Variants in CLCA4 observed in about 807,000 individuals in gnomAD.
The protein encoded by CLCA4 is calcium-activated chloride channel regulator 4.
Under a neutral mutation model 78.9 loss-of-function variants are expected in CLCA4, and 69 were observed. The observed-to-expected ratio is 0.87, with a 90% CI of 0.72 to 1.07. The LOEUF (loss-of-function observed/expected upper bound fraction) is 1.07. Among genes scored for constraint, CLCA4 ranks in the 50% least tolerant of loss-of-function variants. CLCA4 has a pLI of 0.00. For missense variants in CLCA4, 1,133 were observed against 1,095.8 expected, an observed-to-expected ratio of 1.03 and a Z score of -0.48; for synonymous variants, 362 against 375.8, an observed-to-expected ratio of 0.96 and a Z score of 0.42.
rs1423138203 is a variant in CLCA4, at chr1:86,565,394, TC to T, written c.680del (p.Pro227LeufsTer11). On this transcript the variant is annotated frameshift_variant, in exon 5 of 14. Coordinates refer to ENST00000370563, the MANE Select transcript of CLCA4 (RefSeq NM_012128.4). LOFTEE classifies it high-confidence loss of function. ...TGTATGGAAAAGATTGTCAATTCTT[TC>T]CTGATAAAGTACAAACAGAAAAAGC... ...KLYGKDCQFFPDKVQTEKASI... is the reference protein window; with the variant it reads ...KLYGKDCQFFXDKVQTEKASI... 18 of 1,609,648 alleles carry T rather than the reference TC, an allele frequency of 1.1e-5. No individual in the cohort carries two copies. Among genetic ancestry groups the T allele is most frequent in the Non-Finnish European group, 1.5e-5 (18 of 1,176,868 alleles).
intron 1 of CLCA4, among the ~76,000 whole-genome samples, chr1:86,556,703 A>G (rs573361602): frequency 6.6e-6 from 1 of 152,304 alleles, no homozygotes; most frequent in Admixed American, 6.5e-5. Flanking sequence ...GCCTCATAGA[A>G]TGAGTTGGAG....
chr1:86,553,166 T>C (rs1649716465), intron 1 of CLCA4: 2 of 1,081,146 alleles, frequency 1.8e-6, no homozygotes, highest in East Asian at 2.4e-5. Flanking sequence ...CAATGAGGAT[T>C]GAGCGGCACA....
chr1:86,566,586 T>C (rs1650195487), intron 6 of CLCA4, among the ~76,000 whole-genome samples: 1 of 151,306 alleles, frequency 6.6e-6, no homozygotes, highest in Admixed American at 6.6e-5. Flanking sequence ...ATGAGGGAGG[T>C]ATTAAAAAGG....
chr1:86,577,233 T>C (rs1650547224), intron 11 of CLCA4, among the ~76,000 whole-genome samples: 1 of 152,104 alleles, frequency 6.6e-6, no homozygotes, highest in East Asian at 1.9e-4. Flanking sequence ...TGGGGAAATT[T>C]GCTAATTTGG....
At chr1:86,553,018 G>GC in intron 1 of CLCA4, 1 of 624,196 alleles carries the variant, frequency 1.6e-6, no homozygotes, top group Non-Finnish European at 2.9e-6. Context: ...GGCAGGACGT[G>GC]CCCCCTCCTG....
rs377168071 is a variant in CLCA4 at position 86,560,294 on chromosome 1, C to T, written c.384C>T (p.Gly128=). The T allele has an allele frequency of 5.4e-5, 87 of 1,613,728 alleles. No homozygotes were observed. Among genetic ancestry groups the T allele is most frequent in the African/African-American group, 3.6e-4 (27 of 74,866 alleles). The change falls in exon 3 of 14, where the codon GGC becomes GGT. Residue 128 remains glycine, a synonymous_variant. Coordinates refer to ENST00000370563, the MANE Select transcript of CLCA4 (RefSeq NM_012128.4). The part of the protein sequence containing the change: ...TKQFTECGEK[G]EYIHFTPDLL... The stretch of plus-strand genomic sequence containing the variant: ...AGTTCACAGAATGTGGAGAGAAAGG[C>T]GAATACATTCACTTCACCCCTGACC...
At position 86,562,211 on chromosome 1, in the gene CLCA4, G is replaced by A. The variant is rs111511621; in HGVS notation, c.449-1450G>A. ...CTAAGTCAAAAGGGCTGCTTTTAAG[G>A]TGGGCATGGGAGGCAGGGAAACCTG... On this transcript the variant is annotated intron_variant, in intron 3 of 13. Transcript: ENST00000370563. Among the ~76,000 whole-genome samples the A allele has an allele frequency of 5.9e-3, 894 of 152,328 alleles. 13 individuals are homozygous for A. Among genetic ancestry groups the A allele is most frequent in the African/African-American group, 0.02 (848 of 41,578 alleles).
intron 1 of CLCA4, among the ~76,000 whole-genome samples, chr1:86,550,081 T>C (rs961705746): frequency 6.6e-6 from 1 of 152,238 alleles, no homozygotes; most frequent in African/African-American, 2.4e-5. Context: ...ATTTCTCCAC[T>C]ACTGTGTTCT....
intron 1 of CLCA4, among the ~76,000 whole-genome samples, chr1:86,557,363 T>C (rs1649883662): frequency 6.6e-6 from 1 of 152,226 alleles, no homozygotes; most frequent in Non-Finnish European, 1.5e-5. Context: ...TAAATTTCCC[T>C]CTTAAAACTG....
At chr1:86,558,479 T>C (rs1370810924) in intron 1 of CLCA4, among the ~76,000 whole-genome samples, 1 of 152,178 alleles carries the variant, frequency 6.6e-6, no homozygotes, top group Non-Finnish European at 1.5e-5. Flanking sequence ...TATTTAAGAA[T>C]GCTGAATAAA....
At chr1:86,562,509 G>C (rs1388754523) in intron 3 of CLCA4, among the ~76,000 whole-genome samples, 1 of 152,148 alleles carries the variant, frequency 6.6e-6, no homozygotes, top group Non-Finnish European at 1.5e-5. Flanking sequence ...GCTCCCAGGT[G>C]ATGCTGATGG....
At position 86,563,767 on chromosome 1, in the gene CLCA4, A is replaced by G. The variant is rs1570326760; in HGVS notation, c.555A>G (p.Thr185=). ...YRAKSKKIEA[T]RCSAGISGRN... is the part of the protein sequence containing the mutation. ...CTAAGTCAAAAAAAATCGAAGCAAC[A>G]AGGCATGGCTATTTAAATTTTCTAA... The change falls in exon 4 of 14, where the codon ACA becomes ACG. Residue 185 remains threonine (T), a splice_region_variant and synonymous_variant. Coordinates refer to ENST00000370563, the MANE Select transcript of CLCA4 (RefSeq NM_012128.4). 8 of 1,569,762 alleles carry G rather than the reference A, an allele frequency of 5.1e-6. No individual in the cohort carries two copies. The highest frequency in any genetic ancestry group is 6.1e-6 in the Non-Finnish European group (7 of 1,145,652).
chr1:86,576,206 C>CT (rs528544878), intron 11 of CLCA4, among the ~76,000 whole-genome samples: 105 of 152,120 alleles, frequency 6.9e-4, no homozygotes, highest in South Asian at 1.7e-3. Flanking sequence ...GTCGCACAGG[C>CT]TGGATGGAGT....
intron 1 of CLCA4, among the ~76,000 whole-genome samples, chr1:86,559,046 AAAGTC>A (rs1289637246): frequency 6.6e-6 from 1 of 151,764 alleles, no homozygotes; most frequent in Non-Finnish European, 1.5e-5. Context: ...CTTCTTGTGT[AAAGTC>A]TTGCAGGAGT....
At chr1:86,558,589 G>A (rs1359282840) in intron 1 of CLCA4, among the ~76,000 whole-genome samples, 1 of 152,106 alleles carries the variant, frequency 6.6e-6, no homozygotes, top group East Asian at 1.9e-4. Context: ...GTTCAGCATG[G>A]CAGGGAGGCC....
chr1:86,578,342 GT>G (rs1164952544), intron 12 of CLCA4, among the ~76,000 whole-genome samples: 3 of 151,900 alleles, frequency 2.0e-5, no homozygotes, highest in African/African-American at 7.3e-5. Flanking sequence ...ACATGTGCAG[GT>G]TTGTTATATA....
rs1558189373 is a variant in CLCA4, at chr1:86,565,284, G to C, written c.568G>C (p.Gly190Arg). 1.9e-6 allele frequency: 3 copies of C among 1,592,292 alleles called. No homozygotes were observed. In the Admixed American group the frequency reaches 5.5e-5, roughly 29 times the overall value. ...GTCATATATTTTCAGGTGTTCCGCA[G>C]GTATCTCTGGTAGAAATAGAGTTTA... ...KKIEATRCSA[G>R]ISGRNRVYKC... Residue 190 changes from glycine to arginine, a missense_variant, in exon 5 of 14, where the codon GGT becomes CGT. Gly to Arg is a moderately radical substitution (Grantham distance 125). Transcript: ENST00000370563.
intron 1 of CLCA4, among the ~76,000 whole-genome samples, chr1:86,555,435 A>G (rs567492577): frequency 6.6e-6 from 1 of 152,328 alleles, no homozygotes; most frequent in East Asian, 1.9e-4. Flanking sequence ...CAGTTATCCC[A>G]GCACCATTGA....
At chr1:86,567,749 A>G in intron 7 of CLCA4, 98 bp downstream of exon 7, 1 of 934,410 alleles carries the variant, frequency 1.1e-6, no homozygotes. Context: ...GCCTAATTTT[A>G]ACATAACTAA....
Sources: allele counts gnomAD v4.1 joint callset (sites outside exome capture counted in the v4.1 genomes callset), GRCh38; gene constraint gnomAD v4.1.1; transcripts MANE v1.5; gene names NCBI Gene and HGNC (gene_info 2026-07-23, HGNC 2026-07-21).